The following LINGO2 variants were observed in gnomAD, a reference collection of about 807,000 sequenced individuals.
The protein encoded by LINGO2 is leucine-rich repeat and immunoglobulin-like domain-containing nogo receptor-interacting protein 2.
Under a neutral mutation model 30.6 loss-of-function variants are expected in LINGO2, and 14 were observed. The observed-to-expected ratio is 0.46, with a 90% CI of 0.30 to 0.72. LINGO2 has a LOEUF of 0.72. Among genes scored for constraint, LINGO2 ranks in the 30% least tolerant of loss-of-function variants. LINGO2 has a pLI of 0.07. For missense variants in LINGO2, 729 were observed against 751.7 expected (o/e 0.97, Z 0.35); for synonymous variants, 317 against 288.5 (o/e 1.10, Z -1.00).
At chr9:28,044,092 C>T (rs747399690) in intron 4 of LINGO2, among the ~76,000 whole-genome samples, 7 of 152,106 alleles carry the variant, frequency 4.6e-5, no homozygotes, top group Non-Finnish European at 1.0e-4. Flanking sequence ...TAAATGTCTA[C>T]GTATGGAGGA....
chr9:27,951,443 CT>C (rs1050833547), intron 5 of LINGO2, among the ~76,000 whole-genome samples: 10 of 152,036 alleles, frequency 6.6e-5, no homozygotes, highest in Admixed American at 6.6e-4. Flanking sequence ...TAAAAATGCT[CT>C]TTTAAATGAT....
At chr9:28,489,589 G>A (rs1826306098) in intron 1 of LINGO2, among the ~76,000 whole-genome samples, 8 of 152,064 alleles carry the variant, frequency 5.3e-5, no homozygotes, top group Admixed American at 5.2e-4. Context: ...TTAGCCACCT[G>A]CTAAAGCTGA....
At chr9:28,474,768 T>C (rs1363905577) in intron 2 of LINGO2, among the ~76,000 whole-genome samples, 1 of 152,196 alleles carries the variant, frequency 6.6e-6, no homozygotes, top group Non-Finnish European at 1.5e-5. Flanking sequence ...CAGTGCTGTA[T>C]GGTCAGCTGT....
the LINGO2 span, among the ~76,000 whole-genome samples, chr9:28,677,517 A>T: frequency 2.0e-5 from 3 of 152,120 alleles, no homozygotes; most frequent in South Asian, 6.2e-4. Flanking sequence ...TTATATGAGT[A>T]CTGGTATTTC....
chr9:28,922,815 A>G, the LINGO2 span, among the ~76,000 whole-genome samples: 1 of 152,216 alleles, frequency 6.6e-6, no homozygotes, highest in African/African-American at 2.4e-5. Context: ...GCCCGTCTTA[A>G]TAACCAGAAG....
the LINGO2 span, among the ~76,000 whole-genome samples, chr9:28,779,171 C>A: frequency 1.3e-4 from 20 of 152,136 alleles, no homozygotes; most frequent in Non-Finnish European, 2.4e-4. Context: ...GCCTTTCAAT[C>A]GTTTTTAAAA....
intron 1 of LINGO2, among the ~76,000 whole-genome samples, chr9:28,499,303 T>C (rs1318071382): frequency 6.6e-6 from 1 of 152,210 alleles, no homozygotes. Context: ...CAGTCAGACC[T>C]ACCTGGGGTT....
chr9:28,980,445 A>C, the LINGO2 span, among the ~76,000 whole-genome samples: 1 of 152,112 alleles, frequency 6.6e-6, no homozygotes, highest in Admixed American at 6.6e-5. Flanking sequence ...GGCCAGAAAG[A>C]CATACAGAAT....
At chr9:28,688,782 G>GGTAC in the LINGO2 span, among the ~76,000 whole-genome samples, 1 of 152,200 alleles carries the variant, frequency 6.6e-6, no homozygotes, top group Admixed American at 6.5e-5. Context: ...TACTAACACA[G>GGTAC]GTACTCACTA....
chr9:28,639,091 C>G (rs536918066), intron 1 of LINGO2, among the ~76,000 whole-genome samples: 3 of 152,250 alleles, frequency 2.0e-5, no homozygotes, highest in Admixed American at 1.3e-4. Context: ...AGTAGCCACT[C>G]AGGAGCAGGT....
intron 4 of LINGO2, among the ~76,000 whole-genome samples, chr9:28,065,365 A>G (rs985178489): frequency 6.6e-6 from 1 of 152,112 alleles, no homozygotes; most frequent in African/African-American, 2.4e-5. Context: ...TACTTGTTAA[A>G]TAAATACATG....
intron 4 of LINGO2, among the ~76,000 whole-genome samples, chr9:28,044,410 AG>A (rs1246990703): frequency 1.3e-5 from 2 of 152,180 alleles, no homozygotes; most frequent in Non-Finnish European, 2.9e-5. Context: ...GGAAGGAGAC[AG>A]TGGGGGCTGC....
chr9:28,970,359 TC>T, the LINGO2 span, among the ~76,000 whole-genome samples: 2 of 151,998 alleles, frequency 1.3e-5, no homozygotes, highest in Non-Finnish European at 1.5e-5. Flanking sequence ...CCACCAATGG[TC>T]CCCCTGAAAA....
intron 4 of LINGO2, among the ~76,000 whole-genome samples, chr9:28,197,081 T>A (rs1460078048): frequency 6.6e-6 from 1 of 151,978 alleles, no homozygotes; most frequent in Non-Finnish European, 1.5e-5. Context: ...AAATGATAAA[T>A]CCTTGAGGAG....
chr9:27,970,429 C>T (rs1820299421), intron 5 of LINGO2, among the ~76,000 whole-genome samples: 1 of 152,134 alleles, frequency 6.6e-6, no homozygotes, highest in Non-Finnish European at 1.5e-5. Context: ...ATTGATTAAT[C>T]TAGTTTTAGG....
intron 4 of LINGO2, among the ~76,000 whole-genome samples, chr9:28,242,216 G>A (rs1821825843): frequency 6.6e-6 from 1 of 152,154 alleles, no homozygotes; most frequent in Non-Finnish European, 1.5e-5. Flanking sequence ...CAAAGAAGCT[G>A]AGAACCTTGA....
intron 1 of LINGO2, among the ~76,000 whole-genome samples, chr9:28,649,560 A>G (rs1005967350): frequency 2.0e-5 from 3 of 151,468 alleles, no homozygotes; most frequent in Non-Finnish European, 4.4e-5. Flanking sequence ...AACCAACCTA[A>G]ATTATATGCT....
chr9:28,969,913 AT>A, the LINGO2 span, among the ~76,000 whole-genome samples: 1 of 152,146 alleles, frequency 6.6e-6, no homozygotes, highest in Non-Finnish European at 1.5e-5. Context: ...TGAGTTTAGG[AT>A]GTCTATTAGA....
chr9:28,668,995 G>A, intron 1 of LINGO2, among the ~76,000 whole-genome samples: 1 of 151,914 alleles, frequency 6.6e-6, no homozygotes, highest in Middle Eastern at 3.2e-3. Flanking sequence ...TTTTATCAAT[G>A]ATGCCTTTAA....
Sources: gnomAD v4.1 joint callset for allele counts (sites outside exome capture counted in the v4.1 genomes callset) on GRCh38, gnomAD v4.1.1 for gene constraint, MANE v1.5 for transcripts, NCBI Gene and HGNC (gene_info 2026-07-23, HGNC 2026-07-21) for gene names.